The following RYR2 variants were observed in gnomAD, a reference collection of about 807,000 sequenced individuals.
RYR2 encodes cardiac muscle ryanodine receptor-calcium release channel.
A neutral mutation model predicts 601.1 loss-of-function variants in RYR2; 227 were observed. The observed-to-expected ratio is 0.38, with a 90% CI of 0.34 to 0.42. The LOEUF is 0.42. Ranked by LOEUF, RYR2 falls within the 10% of genes least tolerant of loss-of-function variation. The pLI, the probability that RYR2 is intolerant of heterozygous loss-of-function variation, is 1.00. For missense variants in RYR2, 4,646 were observed against 6,156.5 expected (o/e 0.75, Z 8.21); for synonymous variants, 2,223 against 2,175.1 (o/e 1.02, Z -0.61).
chr1:237,666,925 A>C (rs1202484760), intron 57 of RYR2, among the ~76,000 whole-genome samples: 1 of 152,040 alleles, frequency 6.6e-6, no homozygotes, highest in Non-Finnish European at 1.5e-5. Flanking sequence ...AAAAAAAAAA[A>C]GTTGATACAA....
chr1:237,244,025 G>A (rs752528315), intron 1 of RYR2, among the ~76,000 whole-genome samples: 1 of 151,970 alleles, frequency 6.6e-6, no homozygotes, highest in Non-Finnish European at 1.5e-5. Flanking sequence ...GGGAGGTATC[G>A]GTCACTGGTA....
intron 101 of RYR2, among the ~76,000 whole-genome samples, chr1:237,827,764 CT>C (rs2102917712): frequency 6.6e-6 from 1 of 151,860 alleles, no homozygotes; most frequent in Non-Finnish European, 1.5e-5. Flanking sequence ...CGGTGAAACC[CT>C]GTCTCTCCTA....
At chr1:237,810,960 T>C (rs562519980) in intron 100 of RYR2, among the ~76,000 whole-genome samples, 1 of 152,300 alleles carries the variant, frequency 6.6e-6, no homozygotes, top group South Asian at 2.1e-4. Flanking sequence ...GATTTATTCA[T>C]AGGACACTGT....
Position 237,456,848 on chromosome 1 carries a change from G to A in RYR2, c.1612+113G>A, listed in dbSNP as rs1025783048. ...TTCCAGCAATTTGGGAGGCTGAGGT[G>A]GGAGGATCATTTGAGGCCAGGAATT... On this transcript the variant is annotated intron_variant, in intron 16 of 104. Transcript: ENST00000366574. The A allele has an allele frequency of 3.3e-6, 4 of 1,221,430 alleles. No homozygotes were observed. The African/African-American group carries it at 6.0e-5, about 18-fold the overall frequency. 75.7% of individuals were successfully genotyped at this position (1,221,430 alleles called of 1,614,324 possible).
chr1:237,708,233 G>T (rs962387401), intron 68 of RYR2, among the ~76,000 whole-genome samples: 1 of 152,062 alleles, frequency 6.6e-6, no homozygotes, highest in South Asian at 2.1e-4. Context: ...GAAAACTCCA[G>T]AAAAATGCAG....
intron 22 of RYR2, among the ~76,000 whole-genome samples, chr1:237,503,961 G>C (rs1352329993): frequency 6.6e-6 from 1 of 152,118 alleles, no homozygotes; most frequent in African/African-American, 2.4e-5. Flanking sequence ...ACCCGCTTTG[G>C]CCTCCCAAAG....
intron 1 of RYR2, among the ~76,000 whole-genome samples, chr1:237,209,725 G>A (rs1682357404): frequency 6.6e-6 from 1 of 152,024 alleles, no homozygotes. Context: ...GTGTGGTGAT[G>A]CATGCCTATA....
chr1:237,172,088 T>C (rs75727259), intron 1 of RYR2, among the ~76,000 whole-genome samples: 7,022 of 152,352 alleles, frequency 0.046, 519 homozygotes, highest in African/African-American at 0.15. Context: ...CTGGCTTAAA[T>C]GATCTCCATT....
At chr1:237,605,026 T>A (rs1284380078) in intron 35 of RYR2, among the ~76,000 whole-genome samples, 22 of 152,098 alleles carry the variant, frequency 1.4e-4, no homozygotes, top group Admixed American at 1.3e-3. Flanking sequence ...CTTCTGAAAC[T>A]ATTCCAATCA....
intron 73 of RYR2, 84 bp from the exon 74 acceptor site, chr1:237,723,044 T>C: frequency 8.4e-7 from 1 of 1,191,578 alleles, no homozygotes; most frequent in South Asian, 1.5e-5. Flanking sequence ...TAAATAATGA[T>C]GGGTGGACTC....
intron 24 of RYR2, among the ~76,000 whole-genome samples, chr1:237,513,791 A>G (rs1259705334): frequency 6.6e-6 from 1 of 152,206 alleles, no homozygotes; most frequent in African/African-American, 2.4e-5. Context: ...GGTTTGTACG[A>G]ATATACTCTA....
intron 12 of RYR2, among the ~76,000 whole-genome samples, chr1:237,424,032 A>C (rs1019505846): frequency 2.0e-5 from 3 of 152,140 alleles, no homozygotes; most frequent in African/African-American, 7.2e-5. Flanking sequence ...ACTTAAAAAA[A>C]CCATCAGGTC....
At chr1:237,218,781 C>G (rs1683461198) in intron 1 of RYR2, among the ~76,000 whole-genome samples, 1 of 151,972 alleles carries the variant, frequency 6.6e-6, no homozygotes, top group Non-Finnish European at 1.5e-5. Context: ...AGTCAAGGTC[C>G]AGTTGAATAT....
At chr1:237,102,256 T>G (rs753297072) in intron 1 of RYR2, among the ~76,000 whole-genome samples, 3 of 152,208 alleles carry the variant, frequency 2.0e-5, no homozygotes, top group African/African-American at 7.2e-5. Context: ...TAGATCAGTC[T>G]GCCTGGAGTT....
At chr1:237,281,067 G>T (rs775370475) in intron 2 of RYR2, among the ~76,000 whole-genome samples, 13 of 152,168 alleles carry the variant, frequency 8.5e-5, no homozygotes, top group Admixed American at 6.5e-4. Context: ...TTTCAGGCAT[G>T]AGCCACCACG....
chr1:237,402,828 C>T (rs74221758), intron 10 of RYR2, among the ~76,000 whole-genome samples: 1 of 149,206 alleles, frequency 6.7e-6, no homozygotes, highest in South Asian at 2.1e-4. Flanking sequence ...ATTGGGCAGG[C>T]TGGAGTACAG....
chr1:237,065,895 G>C (rs1287798534), intron 1 of RYR2, among the ~76,000 whole-genome samples: 1 of 152,192 alleles, frequency 6.6e-6, no homozygotes, highest in Admixed American at 6.5e-5. Context: ...AGGAGGAAGT[G>C]TGGGGAAGGT....
At chr1:237,043,203 G>A (rs1660140680) in intron 1 of RYR2, among the ~76,000 whole-genome samples, 1 of 152,196 alleles carries the variant, frequency 6.6e-6, no homozygotes, top group Non-Finnish European at 1.5e-5. Flanking sequence ...TCGCCTCCGT[G>A]GTCCCCGCGG....
rs376900200 is a variant in RYR2 at position 237,505,030 on chromosome 1, C to T, written c.2613+1525C>T. ...TTCAATTTCTTCTCATTTCCTTCTT[C>T]GATACGCTTATTTGGAAGATATTTA... On this transcript the variant is annotated intron_variant, in intron 22 of 104. Transcript: ENST00000366574. 9.2e-5 allele frequency among the ~76,000 whole-genome samples: 14 copies of T among 152,280 alleles called. No homozygotes were observed. The East Asian group carries it at 9.6e-4, about 10-fold the overall frequency.
Sources: allele counts gnomAD v4.1 joint callset (sites outside exome capture counted in the v4.1 genomes callset), GRCh38; gene constraint gnomAD v4.1.1; transcripts MANE v1.5; gene names NCBI Gene and HGNC (gene_info 2026-07-23, HGNC 2026-07-21).